Variants in UBR4 observed in about 807,000 individuals in gnomAD.
UBR4 encodes ubiquitin protein ligase E3 component n-recognin 4.
In UBR4, 124 loss-of-function variants were observed where a neutral mutation model predicts 575.6. The observed-to-expected ratio is 0.22, with a 90% CI of 0.19 to 0.25. UBR4 has a LOEUF of 0.25. Among genes scored for constraint, UBR4 ranks in the 10% least tolerant of loss-of-function variants. UBR4 has a pLI of 1.00. For missense variants in UBR4, 4,818 were observed against 6,478.8 expected (o/e 0.74, Z 8.80); for synonymous variants, 2,455 against 2,473.7 (o/e 0.99, Z 0.22).
At position 19,074,756 on chromosome 1, in the gene UBR4, T is replaced by TA; in HGVS notation, c.*75dup. On this transcript the variant is annotated 3_prime_UTR_variant, in exon 106 of 106. Coordinates refer to ENST00000375254, the MANE Select transcript of UBR4 (RefSeq NM_020765.3). ...AATGCAGCATCCCGCGGAGGGAACT[T>TA]AATGCACAAGGAGGGAGAACAGAGG... The TA allele has an allele frequency of 6.5e-7, 1 of 1,530,722 alleles. No homozygotes were observed. The highest frequency in any genetic ancestry group is 9.0e-7 in the Non-Finnish European group (1 of 1,112,810). 94.8% of individuals were successfully genotyped at this position (1,530,722 alleles called of 1,614,324 possible).
rs931410941 is a variant in UBR4 at position 19,128,890 on chromosome 1, C to A, written c.9003+88G>T. ...TCTGTGGCCTAACACCAAACGAAGG[C>A]TTCCAGGTCCTCTGGAAGAGAGATG... On this transcript the variant is annotated intron_variant, in intron 61 of 105. Transcript: ENST00000375254. 6 of 1,225,124 alleles carry A rather than the reference C, an allele frequency of 4.9e-6. No homozygotes were observed. The African/African-American group carries it at 9.0e-5, about 18-fold the overall frequency. 75.9% of individuals were successfully genotyped at this position (1,225,124 alleles called of 1,614,324 possible).
chr1:19,150,451 A>C (rs1324741010), intron 49 of UBR4, 126 bp downstream of exon 49: 2 of 1,094,960 alleles, frequency 1.8e-6, no homozygotes, highest in African/African-American at 3.2e-5. Context: ...AGTTGTATGA[A>C]AACTTAAAAA....
intron 66 of UBR4, 113 bp downstream of exon 66, chr1:19,122,720 G>T: frequency 8.4e-7 from 1 of 1,186,840 alleles, no homozygotes; most frequent in Non-Finnish European, 1.2e-6. Context: ...CCCTAACCAT[G>T]CCATTGTCAA....
intron 60 of UBR4, among the ~76,000 whole-genome samples, chr1:19,133,193 G>A (rs973419669): frequency 2.0e-5 from 3 of 151,842 alleles, no homozygotes; most frequent in African/African-American, 7.3e-5. Flanking sequence ...TAGCAAATCA[G>A]GTCACATGAT....
chr1:19,111,623 A>AT lies in UBR4; in HGVS notation c.11802-792dup, dbSNP rs11314459. On this transcript the variant is annotated intron_variant, in intron 78 of 105. Transcript: ENST00000375254. ...TGAGCCTGTTCAGCCCTATTTTTGTATTTTTTTTTTTTTTTTGAGACGGAG... is the reference window on the plus strand; with the variant it reads ...TGAGCCTGTTCAGCCCTATTTTTGTATTTTTTTTTTTTTTTTTGAGACGGAG... 887 of 139,592 alleles carry AT rather than the reference A, an allele frequency of 6.4e-3. 9 individuals are homozygous for AT. The highest frequency in any genetic ancestry group is 0.014 in the African/African-American group (527 of 37,778). 8.6% of individuals were successfully genotyped at this position (139,592 alleles called of 1,614,324 possible).
rs187775363 is a variant in UBR4 at position 19,118,103 on chromosome 1, C to T, written c.10542-193G>A. ...CGAAGCCACAGGAAAGAAATTTCAA[C>T]TAACTGACCTTAGATGTTTCCTAAT... On this transcript the variant is annotated intron_variant, in intron 71 of 105. Coordinates refer to ENST00000375254, the MANE Select transcript of UBR4 (RefSeq NM_020765.3). 815 of 566,898 alleles carry T rather than the reference C, an allele frequency of 1.4e-3. 4 individuals carry two copies. Among genetic ancestry groups the T allele is most frequent in the African/African-American group, 0.013 (695 of 53,150 alleles). The allele number at this position is 566,898 out of a possible 1,614,324, so 35.1% of individuals were successfully genotyped here.
intron 93 of UBR4, 122 bp downstream of exon 93, chr1:19,095,423 C>A: frequency 1.0e-6 from 1 of 955,264 alleles, no homozygotes. Flanking sequence ...CACCAGTCAG[C>A]CAGAGAGATG....
In UBR4 at chr1:19,110,991, C is replaced by T. The variant is rs956103827; in HGVS notation, c.11802-159G>A. On this transcript the variant is annotated intron_variant, in intron 78 of 105. Transcript: ENST00000375254. The surrounding 1 kb of genome is among the most constrained non-coding windows in gnomAD (Gnocchi z 4.5). ...GGGCAAGACTAGAACTTTAGCTTCA[C>T]AAAACCGTGGTCGGTAATAATAAAG... is the stretch of plus-strand genomic sequence containing the variant. Among the ~76,000 whole-genome samples, 1 of 152,228 alleles carries T rather than the reference C, an allele frequency of 6.6e-6. No homozygotes were observed. The highest frequency in any genetic ancestry group is 1.5e-5 in the Non-Finnish European group (1 of 68,038).
rs2077191481 is a variant in UBR4 at position 19,088,142 on chromosome 1, T to G, written c.14431-213A>C. Among the ~76,000 whole-genome samples, 8 of 152,220 alleles carry G rather than the reference T, an allele frequency of 5.3e-5. No individual in the cohort carries two copies. The South Asian group carries it at 1.7e-3, about 31-fold the overall frequency. On this transcript the variant is annotated intron_variant, in intron 98 of 105. Transcript: ENST00000375254. The surrounding 1 kb of genome is among the most constrained non-coding windows in gnomAD (Gnocchi z 4.0). Reference sequence around the variant, plus strand: ...ACAGGAACCACTGAAGCAAAGGAAGTCATCCAGCTGGAGCCCTGGCAAGGT... The same window carrying G: ...ACAGGAACCACTGAAGCAAAGGAAGGCATCCAGCTGGAGCCCTGGCAAGGT...
chr1:19,080,526 C>A (rs1309108919), intron 103 of UBR4: 2 of 152,238 alleles, frequency 1.3e-5, no homozygotes, highest in South Asian at 4.1e-4. Context: ...TCCCTCGAAT[C>A]CTGGGCTAAA....
rs769357077 is a variant in UBR4, at chr1:19,148,574, T to C, written c.7483A>G (p.Ile2495Val). 37 of 1,614,078 alleles carry C rather than the reference T, an allele frequency of 2.3e-5. No homozygotes were observed. The highest frequency in any genetic ancestry group is 7.7e-5 in the South Asian group (7 of 91,084). ...AAAAAGTGACTTGCCTTCTCGATGA[T>C]TGGGCCAACGGCAAAGCAGCTTTCC... ...ALESCFAVGP[I>V]IEKERNKNAA... is the part of the protein sequence containing the mutation. Residue 2495 changes from isoleucine to valine, a missense_variant, in exon 50 of 106, where the codon ATC becomes GTC. Physicochemically the swap from Ile to Val is conservative, Grantham distance 29. This residue lies in a region of UBR4 where 340 missense variants were observed against 375.4 expected (regional missense o/e 0.91). Transcript: ENST00000375254.
chr1:19,113,751 T>G lies in UBR4; in HGVS notation c.11405A>C (p.Glu3802Ala), dbSNP rs1259274413. The G allele has an allele frequency of 6.2e-7, 1 of 1,614,208 alleles. No individual in the cohort carries two copies. The highest frequency in any genetic ancestry group is 1.7e-5 in the Admixed American group (1 of 60,032). ...VNRYILQLAQEYCGDCKNSFD... is the reference protein window; with the variant it reads ...VNRYILQLAQAYCGDCKNSFD... ...AGAGTTCTTGCAGTCTCCACAATAC[T>G]CCTGAGCCAACTGCAGGATGTAACG... is the stretch of plus-strand genomic sequence containing the variant. The change falls in exon 77 of 106, where the codon GAG becomes GCG. Residue 3802 changes from glutamate (E) to alanine (A), a missense_variant. By Grantham distance (107) the Glu-to-Ala change is moderately radical (BLOSUM62 -1). Around this residue, in one of 29 missense-constraint regions of UBR4, gnomAD observed 333 missense variants for 459.2 expected, o/e 0.73. Transcript: ENST00000375254.
At chr1:19,102,883 C>T (rs1026354330) in intron 87 of UBR4, among the ~76,000 whole-genome samples, 2 of 152,188 alleles carry the variant, frequency 1.3e-5, no homozygotes, top group African/African-American at 4.8e-5. Context: ...TTTCCTTAAA[C>T]TTTACCATCA....
Position 19,193,519 on chromosome 1 carries a change from C to G in UBR4, c.1057G>C (p.Gly353Arg). Residue 353 changes from glycine to arginine, a missense_variant, in exon 9 of 106, where the codon GGT (glycine) becomes CGT (arginine). By Grantham distance (125) the Gly-to-Arg change is moderately radical. Transcript: ENST00000375254. Reference sequence around the variant, plus strand: ...CCTGTCCGCACTTGCTGGGCACTACCCACATGGAGGATGGCCATGCACGTT... The same window carrying G: ...CCTGTCCGCACTTGCTGGGCACTACGCACATGGAGGATGGCCATGCACGTT... ...VATCMAILHVGSAQQVRTGST... is the reference protein window; with the variant it reads ...VATCMAILHVRSAQQVRTGST... The G allele has an allele frequency of 2.5e-6, 4 of 1,614,110 alleles. No individual in the cohort carries two copies. The highest frequency in any genetic ancestry group is 3.4e-6 in the Non-Finnish European group (4 of 1,180,004).
chr1:19,185,648 G>A (rs1400269072), intron 14 of UBR4, among the ~76,000 whole-genome samples: 10 of 146,914 alleles, frequency 6.8e-5, no homozygotes, highest in Non-Finnish European at 1.2e-4. Flanking sequence ...ATATTGGCTC[G>A]CCGCAACCTC....
Position 19,100,058 on chromosome 1 carries a change from C to A in UBR4, c.13221+318G>T, listed in dbSNP as rs1345343496. 6.9e-6 allele frequency: 3 copies of A among 433,044 alleles called. No homozygotes were observed. The highest frequency in any genetic ancestry group is 1.2e-5 in the Non-Finnish European group (3 of 242,724). The allele number at this position is 433,044 out of a possible 1,614,324, so 26.8% of individuals were successfully genotyped here. On this transcript the variant is annotated intron_variant, in intron 89 of 105. Transcript: ENST00000375254. This position sits in a 1 kb window ranked among gnomAD's most constrained non-coding sequence, Gnocchi z 4.2. ...GGGTAAAACGCCAATATTTAGGGGG[C>A]TCAGGTAACTCAGACTCACCGAGAA...
At chr1:19,131,099 G>A (rs2082369375) in intron 60 of UBR4, among the ~76,000 whole-genome samples, 1 of 151,318 alleles carries the variant, frequency 6.6e-6, no homozygotes, top group Admixed American at 6.6e-5. Flanking sequence ...TGTAGAGACA[G>A]GGTCTCCCTA....
chr1:19,207,091 G>T (rs1482470386), intron 1 of UBR4, among the ~76,000 whole-genome samples: 1 of 152,150 alleles, frequency 6.6e-6, no homozygotes, highest in Non-Finnish European at 1.5e-5. Flanking sequence ...AAAAACAGAT[G>T]GTCCCCGGTG....
rs779028875 is a variant in UBR4 at position 19,081,461 on chromosome 1, A to C, written c.15121T>G (p.Leu5041Val). Residue 5041 changes from leucine to valine, a missense_variant, in exon 103 of 106, where the codon TTG (leucine) becomes GTG (valine). Around this residue, in one of 29 missense-constraint regions of UBR4, gnomAD observed 212 missense variants for 221.3 expected, o/e 0.96. Coordinates refer to ENST00000375254, the MANE Select transcript of UBR4 (RefSeq NM_020765.3). ...EVDGPYYFTVLALHILPPEQW... is the reference protein window; with the variant it reads ...EVDGPYYFTVVALHILPPEQW... ...TCAGGGGGCAGGATGTGAAGGGCCA[A>C]GACTGTGAAATAGTAGGGCCCGTCC... The C allele has an allele frequency of 6.2e-7, 1 of 1,614,048 alleles. No individual in the cohort carries two copies. The highest frequency in any genetic ancestry group is 2.2e-5 in the East Asian group (1 of 44,836).
Sources: allele counts gnomAD v4.1 joint callset (sites outside exome capture counted in the v4.1 genomes callset), GRCh38; gene constraint gnomAD v4.1.1; regional missense constraint gnomAD v4.1.1; non-coding constraint Gnocchi (gnomAD v3.1); transcripts MANE v1.5; gene names NCBI Gene and HGNC (gene_info 2026-07-23, HGNC 2026-07-21).